Variants in CCR9 observed in about 807,000 individuals in gnomAD.
The protein encoded by CCR9 is C-C chemokine receptor type 9.
Under a neutral mutation model 8.7 loss-of-function variants are expected in CCR9, and 4 were observed. The observed-to-expected ratio is 0.46, with a 90% confidence interval of 0.23 to 1.06. The LOEUF (loss-of-function observed/expected upper bound fraction) is 1.06, where lower values mean the gene tolerates loss of function less well. Among genes scored for constraint, CCR9 ranks in the 50% least tolerant of loss-of-function variants. CCR9 has a pLI of 0.21. For synonymous variants in CCR9, 159 were observed against 168.8 expected, an observed-to-expected ratio of 0.94 and a Z score of 0.45; for missense variants, 394 against 453.6, an observed-to-expected ratio of 0.87 and a Z score of 1.19.
chr3:45,887,686 C>T (rs1403164754), intron 1 of CCR9, among the ~76,000 whole-genome samples: 2 of 152,226 alleles, frequency 1.3e-5, no homozygotes, highest in African/African-American at 4.8e-5. Context: ...TTTCGGAGTC[C>T]TTTTCTTCCA....
Position 45,890,291 on chromosome 3 carries a change from A to AC in CCR9, c.-29+3636_-29+3637insC, listed in dbSNP as rs1575293702. The stretch of plus-strand genomic sequence containing the variant: ...TATAACATATATATATATTTATATA[A>AC]ATATATATATAACATATATATATAT... On this transcript the variant is annotated intron_variant, in intron 1 of 2. Transcript: ENST00000357632. Among the ~76,000 whole-genome samples, 6 of 116,740 alleles carry AC rather than the reference A, an allele frequency of 5.1e-5. 2 individuals carry two copies. Among genetic ancestry groups the AC allele is most frequent in the African/African-American group, 1.8e-4 (5 of 27,638 alleles). The allele number at this position is 116,740 out of a possible 152,430, so 76.6% of individuals were successfully genotyped here. A position where few individuals can be genotyped will look rare whatever the true frequency, so the allele number is the denominator to read the frequency against.
intron 2 of CCR9, chr3:45,897,673 GC>G: frequency 7.1e-7 from 1 of 1,413,540 alleles, no homozygotes. Context: ...CTTCCCACCT[GC>G]CCCCTCTCAT....
At chr3:45,887,563 G>T (rs1702020490) in intron 1 of CCR9, among the ~76,000 whole-genome samples, 1 of 152,200 alleles carries the variant, frequency 6.6e-6, no homozygotes, top group South Asian at 2.1e-4. Context: ...TCCAGAGAGT[G>T]GTCACTGTGT....
chr3:45,897,865 A>G lies in CCR9; in HGVS notation c.21+2911A>G, dbSNP rs188732814. Reference sequence around the variant, plus strand: ...GGAGAGCAGGCTTGCTGGACCGGAGAAGCAACTCCAGGCAGCAAGACCCCT... The same window carrying G: ...GGAGAGCAGGCTTGCTGGACCGGAGGAGCAACTCCAGGCAGCAAGACCCCT... On this transcript the variant is annotated intron_variant, in intron 2 of 2. Coordinates refer to ENST00000357632, the MANE Select transcript of CCR9 (RefSeq NM_031200.3). 7.8e-3 allele frequency among the ~76,000 whole-genome samples: 1,186 copies of G among 151,976 alleles called. 6 individuals are homozygous for G. Among genetic ancestry groups the G allele is most frequent in the Non-Finnish European group, 0.013 (874 of 67,952 alleles).
chr3:45,886,813 G>T (rs1485270496), intron 1 of CCR9, among the ~76,000 whole-genome samples, 158 bp downstream of exon 1: 5 of 152,136 alleles, frequency 3.3e-5, no homozygotes, highest in African/African-American at 1.2e-4. Context: ...AAGGTAAATG[G>T]GAATTGGTGA....
chr3:45,900,741 G>T lies in CCR9; in HGVS notation c.22-69G>T. The T allele has an allele frequency of 1.3e-6, 2 of 1,512,438 alleles. No homozygotes were observed. Among genetic ancestry groups the T allele is most frequent in the Non-Finnish European group, 1.8e-6 (2 of 1,119,580 alleles). 93.7% of individuals were successfully genotyped at this position (1,512,438 alleles called of 1,614,324 possible). On this transcript the variant is annotated intron_variant, in intron 2 of 2. Coordinates refer to ENST00000357632, the MANE Select transcript of CCR9 (RefSeq NM_031200.3). The surrounding 1 kb of genome is among the most constrained non-coding windows in gnomAD (Gnocchi z 4.7). ...GGGTTGGAAGGGTCAAGAGGTCCATGCCTCTGCCATCAGACAGGACCTTCA... is the reference window on the plus strand; with the variant it reads ...GGGTTGGAAGGGTCAAGAGGTCCATTCCTCTGCCATCAGACAGGACCTTCA...
rs776162706 is a variant in CCR9 at position 45,901,076 on chromosome 3, C to T, written c.288C>T (p.Leu96=). 1.9e-6 allele frequency: 3 copies of T among 1,614,202 alleles called. No homozygotes were observed. Among genetic ancestry groups the T allele is most frequent in the Non-Finnish European group, 2.5e-6 (3 of 1,180,034 alleles). The change falls in exon 3 of 3, where the codon CTC becomes CTT. Residue 96 remains leucine, a synonymous_variant. Coordinates refer to ENST00000357632, the MANE Select transcript of CCR9 (RefSeq NM_031200.3). This position sits in a 1 kb window ranked among gnomAD's most constrained non-coding sequence, Gnocchi z 4.3. Reference sequence around the variant, plus strand: ...TGAATTTGGCAATTGCTGACCTCCTCTTTCTTGTCACTCTTCCCTTCTGGG... The same window carrying T: ...TGAATTTGGCAATTGCTGACCTCCTTTTTCTTGTCACTCTTCCCTTCTGGG... ...FLLNLAIADL[L]FLVTLPFWAI...
In CCR9 at chr3:45,900,034, T is replaced by A. The variant is rs972281890; in HGVS notation, c.22-776T>A. 6.6e-6 allele frequency among the ~76,000 whole-genome samples: 1 copy of A among 152,198 alleles called. No homozygotes were observed. The highest frequency in any genetic ancestry group is 2.4e-5 in the African/African-American group (1 of 41,438). On this transcript the variant is annotated intron_variant, in intron 2 of 2. Transcript: ENST00000357632. This position sits in a 1 kb window ranked among gnomAD's most constrained non-coding sequence, Gnocchi z 4.7. ...GTGTACGAGAGCATGTGCAAGTGCATGTATTATGTGTATGCATGTACATAT... is the reference window on the plus strand; with the variant it reads ...GTGTACGAGAGCATGTGCAAGTGCAAGTATTATGTGTATGCATGTACATAT...
chr3:45,898,206 T>C (rs1324997621), intron 2 of CCR9, among the ~76,000 whole-genome samples: 1 of 152,108 alleles, frequency 6.6e-6, no homozygotes, highest in Non-Finnish European at 1.5e-5. Flanking sequence ...CCTTCTATTC[T>C]CAAGTTCTTC....
At chr3:45,887,701 C>T (rs1206748842) in intron 1 of CCR9, among the ~76,000 whole-genome samples, 2 of 152,202 alleles carry the variant, frequency 1.3e-5, no homozygotes, top group African/African-American at 4.8e-5. Context: ...CTTCCAATAT[C>T]TGCTTATCTG....
rs1032024641 is a variant in CCR9, at chr3:45,902,193, C to T, written c.*295C>T. The stretch of plus-strand genomic sequence containing the variant: ...TTGCCACTCGCCGGAGCATCAATGC[C>T]GCTGCCTCTGGAGGAGCCCTTGGAT... On this transcript the variant is annotated 3_prime_UTR_variant, in exon 3 of 3. Transcript: ENST00000357632. The T allele has an allele frequency of 1.0e-5, 3 of 293,340 alleles. No homozygotes were observed. The highest frequency in any genetic ancestry group is 1.3e-5 in the Non-Finnish European group (2 of 149,388). The allele number at this position is 293,340 out of a possible 1,614,324, so 18.2% of individuals were successfully genotyped here.
At chr3:45,890,312 T>TATAAATATATATATAAC (rs10677703) in intron 1 of CCR9, among the ~76,000 whole-genome samples, 5 of 61,992 alleles carry the variant, frequency 8.1e-5, no homozygotes, top group South Asian at 3.7e-4. Flanking sequence ...AACATATATA[T>TATAAATATATATATAAC]ATATTTATAT....
rs1702545554 is a variant in CCR9 at position 45,901,248 on chromosome 3, G to C, written c.460G>C (p.Ala154Pro). ...CATTGCCATTGCCCAGGCCATGAGAGCACATACTTGGAGGGAGAAAAGGCT... is the reference window on the plus strand; with the variant it reads ...CATTGCCATTGCCCAGGCCATGAGACCACATACTTGGAGGGAGAAAAGGCT... Reference protein sequence around the residue: ...RYIAIAQAMRAHTWREKRLLY... With the variant: ...RYIAIAQAMRPHTWREKRLLY... Residue 154 changes from alanine to proline, a missense_variant, in exon 3 of 3, where the codon GCA (alanine) becomes CCA (proline). By Grantham distance (27) the Ala-to-Pro change is conservative. Transcript: ENST00000357632. This position sits in a 1 kb window ranked among gnomAD's most constrained non-coding sequence, Gnocchi z 4.3. The C allele has an allele frequency of 6.2e-7, 1 of 1,614,220 alleles. No homozygotes were observed. Among genetic ancestry groups the C allele is most frequent in the South Asian group, 1.1e-5 (1 of 91,080 alleles).
In CCR9 at chr3:45,898,508, T is replaced by A. The variant is rs572609770; in HGVS notation, c.22-2302T>A. 2.0e-5 allele frequency among the ~76,000 whole-genome samples: 3 copies of A among 152,362 alleles called. No individual in the cohort carries two copies. The South Asian group carries it at 6.2e-4, about 32-fold the overall frequency. The stretch of plus-strand genomic sequence containing the variant: ...TAGTTCTTTGCGTTTGTGGGCCATT[T>A]CCAGCTGCCCTGGCCTGAAGAGCCG... On this transcript the variant is annotated intron_variant, in intron 2 of 2. Transcript: ENST00000357632.
At chr3:45,897,738 C>T (rs1409896277) in intron 2 of CCR9, 4 of 680,950 alleles carry the variant, frequency 5.9e-6, no homozygotes, top group Non-Finnish European at 7.2e-6. Flanking sequence ...GCCAAGCATG[C>T]CCTCTTTCCT....
In CCR9 at chr3:45,901,135, C is replaced by A; in HGVS notation, c.347C>A (p.Thr116Asn). The A allele has an allele frequency of 6.2e-7, 1 of 1,614,170 alleles. No individual in the cohort carries two copies. Among genetic ancestry groups the A allele is most frequent in the Non-Finnish European group, 8.5e-7 (1 of 1,180,008 alleles). ...GCTGCTGACCAGTGGAAGTTCCAGA[C>A]CTTCATGTGCAAGGTGGTCAACAGC... ...IAAADQWKFQ[T>N]FMCKVVNSMY... The change falls in exon 3 of 3, where the codon ACC becomes AAC. Residue 116 changes from threonine (T) to asparagine (N), a missense_variant. By Grantham distance (65) the Thr-to-Asn change is moderately conservative (BLOSUM62 0). Transcript: ENST00000357632. The surrounding 1 kb of genome is among the most constrained non-coding windows in gnomAD (Gnocchi z 4.3).
chr3:45,889,372 G>A (rs1053180682), intron 1 of CCR9, among the ~76,000 whole-genome samples: 6 of 152,036 alleles, frequency 3.9e-5, no homozygotes, highest in Non-Finnish European at 7.4e-5. Flanking sequence ...AAGTAGCCTC[G>A]GTGAATGTAA....
intron 1 of CCR9, among the ~76,000 whole-genome samples, chr3:45,888,552 T>C (rs1399743820): frequency 6.6e-6 from 1 of 152,204 alleles, no homozygotes; most frequent in African/African-American, 2.4e-5. Context: ...GTTCGATGGA[T>C]GGCCCATGGC....
In CCR9 at chr3:45,902,970, G is replaced by C. The variant is rs1488433636; in HGVS notation, c.*1072G>C. 6.0e-6 allele frequency: 1 copy of C among 166,996 alleles called. No individual in the cohort carries two copies. The highest frequency in any genetic ancestry group is 1.5e-5 in the Non-Finnish European group (1 of 68,098). 10.3% of individuals were successfully genotyped at this position (166,996 alleles called of 1,614,324 possible). A position where few individuals can be genotyped will look rare whatever the true frequency, so the allele number is the denominator to read the frequency against. On this transcript the variant is annotated 3_prime_UTR_variant, in exon 3 of 3. Coordinates refer to ENST00000357632, the MANE Select transcript of CCR9 (RefSeq NM_031200.3). Reference sequence around the variant, plus strand: ...TTAAAAGCTTTTAACTTAGAGATTAGGCTGAAAAAAATAAGTAATGGAATT... The same window carrying C: ...TTAAAAGCTTTTAACTTAGAGATTACGCTGAAAAAAATAAGTAATGGAATT...
Sources: gnomAD v4.1 joint callset for allele counts (sites outside exome capture counted in the v4.1 genomes callset) on GRCh38, gnomAD v4.1.1 for gene constraint, Gnocchi (gnomAD v3.1) non-coding constraint, MANE v1.5 for transcripts, NCBI Gene and HGNC (gene_info 2026-07-23, HGNC 2026-07-21) for gene names.